Variants in WHAMM observed in about 807,000 individuals in gnomAD.
The protein encoded by WHAMM is WASP homolog-associated protein with actin, membranes and microtubules.
WHAMM carries 67 observed loss-of-function variants against 76.5 expected under a neutral mutation model. The observed-to-expected ratio is 0.88, with a 90% CI of 0.72 to 1.07. The LOEUF (loss-of-function observed/expected upper bound fraction) is 1.07. Among genes scored for constraint, WHAMM ranks in the 50% least tolerant of loss-of-function variants. The probability of loss-of-function intolerance (pLI) is 0.00; values close to 1 mark genes in which losing one functional copy is unlikely to be tolerated. For synonymous variants in WHAMM, 419 were observed against 422.1 expected (o/e 0.99, Z 0.09); for missense variants, 1,021 against 1,051.1 (o/e 0.97, Z 0.40).
At chr15:82,818,248 T>G (rs2050761112) in intron 4 of WHAMM, among the ~76,000 whole-genome samples, 159 bp downstream of exon 4, 1 of 152,220 alleles carries the variant, frequency 6.6e-6, no homozygotes, top group Admixed American at 6.5e-5. Context: ...TATAATGTAA[T>G]TGTACCTATT....
intron 5 of WHAMM, among the ~76,000 whole-genome samples, chr15:82,820,919 A>G (rs77662236): frequency 1.4e-3 from 191 of 136,960 alleles, no homozygotes; most frequent in African/African-American, 4.9e-3. Context: ...AAAAAAAAAA[A>G]AGAAAAAAGA....
chr15:82,815,941 T>C (rs1366339327), intron 2 of WHAMM, among the ~76,000 whole-genome samples: 2 of 152,304 alleles, frequency 1.3e-5, no homozygotes, highest in South Asian at 4.1e-4. Flanking sequence ...AACAAAACTT[T>C]TTTTTCACAG....
Position 82,833,347 on chromosome 15 carries a change from A to C in WHAMM, c.2241A>C (p.Ile747=), listed in dbSNP as rs368959007. Residue 747 remains isoleucine (I), a synonymous_variant, in exon 10 of 10, where the codon ATA becomes ATC. Coordinates refer to ENST00000286760, the MANE Select transcript of WHAMM (RefSeq NM_001080435.3). ...ASINEHILAA[I]RQGVKLKKVH... is the part of the protein sequence containing the mutation. ...TCAATGAGCACATTCTGGCTGCCAT[A>C]AGGCAAGGGGTCAAACTGAAGAAAG... The C allele has an allele frequency of 1.4e-5, 22 of 1,613,934 alleles. No individual in the cohort carries two copies. Among genetic ancestry groups the C allele is most frequent in the African/African-American group, 5.3e-5 (4 of 74,942 alleles).
At chr15:82,811,849 C>G (rs2050633963) in intron 1 of WHAMM, among the ~76,000 whole-genome samples, 1 of 150,702 alleles carries the variant, frequency 6.6e-6, no homozygotes, top group African/African-American at 2.4e-5. Flanking sequence ...GAGGCTTTCA[C>G]TTAAAAAAAA....
rs2051075299 is a variant in WHAMM at position 82,833,569 on chromosome 15, G to A, written c.*33G>A. The A allele has an allele frequency of 1.2e-6, 2 of 1,604,756 alleles. No homozygotes were observed. The highest frequency in any genetic ancestry group is 1.7e-6 in the Non-Finnish European group (2 of 1,176,400). On this transcript the variant is annotated 3_prime_UTR_variant, in exon 10 of 10. Coordinates refer to ENST00000286760, the MANE Select transcript of WHAMM (RefSeq NM_001080435.3). ...TTTGACAAAGGCACCTGCCACAGTAGGCTTGAATAAAGTGGGTGAGTCTTA... is the reference window on the plus strand; with the variant it reads ...TTTGACAAAGGCACCTGCCACAGTAAGCTTGAATAAAGTGGGTGAGTCTTA...
chr15:82,833,303 C>G lies in WHAMM; in HGVS notation c.2197C>G (p.Arg733Gly). 6.2e-7 allele frequency: 1 copy of G among 1,613,920 alleles called. No homozygotes were observed. Among genetic ancestry groups the G allele is most frequent in the Non-Finnish European group, 8.5e-7 (1 of 1,179,838 alleles). The change falls in exon 10 of 10, where the codon CGC (arginine) becomes GGC (glycine). Residue 733 changes from arginine (R) to glycine (G), a missense_variant. Physicochemically the swap from Arg to Gly is moderately radical, Grantham distance 125 (BLOSUM62 -2). Transcript: ENST00000286760. ...CCGGAAGGTGGAAGTGCCGGCGGTGCGCCCTCCCCACGCCTCAATCAATGA... is the reference window on the plus strand; with the variant it reads ...CCGGAAGGTGGAAGTGCCGGCGGTGGGCCCTCCCCACGCCTCAATCAATGA... ...PLRKVEVPAV[R>G]PPHASINEHI...
chr15:82,816,961 T>C (rs551091913), intron 3 of WHAMM, 119 bp downstream of exon 3: 3 of 1,023,278 alleles, frequency 2.9e-6, no homozygotes, highest in East Asian at 2.7e-5. Context: ...GAGAATTCAG[T>C]GTCAAGCGTT....
At chr15:82,812,698 T>C (rs1265706941) in intron 1 of WHAMM, among the ~76,000 whole-genome samples, 1 of 152,082 alleles carries the variant, frequency 6.6e-6, no homozygotes, top group Admixed American at 6.6e-5. Flanking sequence ...ATTATAAAAG[T>C]GTCTTTTTTT....
rs1033087182 is a variant in WHAMM, at chr15:82,833,255, T to A, written c.2149T>A (p.Leu717Ile). The A allele has an allele frequency of 6.2e-7, 1 of 1,613,838 alleles. No homozygotes were observed. The highest frequency in any genetic ancestry group is 1.3e-5 in the African/African-American group (1 of 74,942). Residue 717 changes from leucine (L) to isoleucine (I), a missense_variant, in exon 10 of 10, where the codon TTA becomes ATA. Leu to Ile is a conservative substitution (Grantham distance 5, BLOSUM62 2). Around this residue, in one of 3 missense-constraint regions of WHAMM, gnomAD observed 509 missense variants for 492.3 expected, o/e 1.03. Transcript: ENST00000286760. ...PGSMDEVLAS[L>I]RHGRAPLRKV... is the part of the protein sequence containing the mutation. ...ATCTATGGATGAAGTGTTGGCCTCC[T>A]TAAGGCATGGCAGAGCTCCTCTCCG...
chr15:82,834,914 A>G lies in WHAMM; in HGVS notation c.*1378A>G, dbSNP rs1023842803. ...AGGAACTGAAGTCTCATGCTGAAGT[A>G]TTTTCTCCTTAAAATTAAATTTTTA... On this transcript the variant is annotated 3_prime_UTR_variant, in exon 10 of 10. Transcript: ENST00000286760. 3 of 149,330 alleles carry G rather than the reference A, an allele frequency of 2.0e-5. No individual in the cohort carries two copies. The highest frequency in any genetic ancestry group is 4.4e-5 in the Non-Finnish European group (3 of 67,826). 9.3% of individuals were successfully genotyped at this position (149,330 alleles called of 1,614,324 possible).
intron 6 of WHAMM, among the ~76,000 whole-genome samples, chr15:82,824,603 G>A (rs2050898534): frequency 6.6e-6 from 1 of 152,014 alleles, no homozygotes; most frequent in African/African-American, 2.4e-5. Flanking sequence ...TTACGGGCAT[G>A]AGTCACAGCG....
chr15:82,824,286 T>C (rs1292146709), intron 6 of WHAMM, among the ~76,000 whole-genome samples: 2 of 150,784 alleles, frequency 1.3e-5, no homozygotes, highest in Admixed American at 1.3e-4. Flanking sequence ...GCCTCCCGTG[T>C]AGCTGGGATT....
rs549571060 is a variant in WHAMM at position 82,817,606 on chromosome 15, T to C, written c.935-314T>C. Among the ~76,000 whole-genome samples, 8 of 152,314 alleles carry C rather than the reference T, an allele frequency of 5.3e-5. No homozygotes were observed. In the South Asian group the frequency reaches 1.7e-3, roughly 32 times the overall value. The stretch of plus-strand genomic sequence containing the variant: ...AAGCAGAATGATGATCCTGGTTTTG[T>C]GGTCAAACTATCCATATGAGCCTGT... On this transcript the variant is annotated intron_variant, in intron 3 of 9. Transcript: ENST00000286760.
chr15:82,810,805 T>C (rs1356629485), intron 1 of WHAMM: 1 of 961,128 alleles, frequency 1.0e-6, no homozygotes, highest in Non-Finnish European at 1.2e-6. Context: ...TTGTTTTAAG[T>C]AATATATACT....
At chr15:82,815,155 A>ATATATATATATATATATATG (rs55807384) in intron 2 of WHAMM, among the ~76,000 whole-genome samples, 1 of 46,148 alleles carries the variant, frequency 2.2e-5, no homozygotes, top group South Asian at 6.1e-4. Context: ...ATATATATAT[A>ATATATATATATATATATATG]GTACAATTCA....
intron 2 of WHAMM, 89 bp downstream of exon 2, chr15:82,813,365 G>T: frequency 8.4e-7 from 1 of 1,184,490 alleles, no homozygotes; most frequent in Non-Finnish European, 1.1e-6. Context: ...ATCTCTGTTT[G>T]TACTTTGTTT....
chr15:82,831,789 G>T (rs1462338235), intron 9 of WHAMM, among the ~76,000 whole-genome samples: 1 of 152,070 alleles, frequency 6.6e-6, no homozygotes, highest in Non-Finnish European at 1.5e-5. Flanking sequence ...TTCTTTGGGG[G>T]GTATGTGTGT....
rs879856687 is a variant in WHAMM at position 82,834,031 on chromosome 15, G to A, written c.*495G>A. ...TGGGATTACAGGTGTGAGCCACCACGCCCAGCCTTTTTTTTTTCTTTCTTT... is the reference window on the plus strand; with the variant it reads ...TGGGATTACAGGTGTGAGCCACCACACCCAGCCTTTTTTTTTTCTTTCTTT... On this transcript the variant is annotated 3_prime_UTR_variant, in exon 10 of 10. Transcript: ENST00000286760. 37 of 153,594 alleles carry A rather than the reference G, an allele frequency of 2.4e-4. No individual in the cohort carries two copies. The highest frequency in any genetic ancestry group is 2.3e-3 in the Admixed American group (36 of 15,632). 9.5% of individuals were successfully genotyped at this position (153,594 alleles called of 1,614,324 possible).
intron 8 of WHAMM, among the ~76,000 whole-genome samples, chr15:82,828,002 G>A (rs573121978): frequency 6.6e-6 from 1 of 152,006 alleles, no homozygotes; most frequent in African/African-American, 2.4e-5. Context: ...TTTACTGACT[G>A]TAAAACATAG....
Sources: allele counts gnomAD v4.1 joint callset (sites outside exome capture counted in the v4.1 genomes callset), GRCh38; gene constraint gnomAD v4.1.1; regional missense constraint gnomAD v4.1.1; transcripts MANE v1.5; gene names NCBI Gene and HGNC (gene_info 2026-07-23, HGNC 2026-07-21).